NAA60: variants seen among roughly 807,000 people sequenced by gnomAD.
NAA60 encodes N-alpha-acetyltransferase 60.
NAA60 carries 8 observed loss-of-function variants against 26.1 expected under a neutral mutation model. The observed-to-expected ratio is 0.31, with a 90% CI of 0.18 to 0.55. The LOEUF is 0.55. Among genes scored for constraint, NAA60 ranks in the 20% least tolerant of loss-of-function variants. The pLI, the probability that NAA60 is intolerant of heterozygous loss-of-function variation, is 0.93. For synonymous variants in NAA60, 131 were observed against 122.5 expected (o/e 1.07, Z -0.46); for missense variants, 290 against 311.3 (o/e 0.93, Z 0.51).
In NAA60 at chr16:3,485,748, C is replaced by G. The variant is rs1362962124; in HGVS notation, c.*488C>G. 2.2e-6 allele frequency: 1 copy of G among 448,320 alleles called. No homozygotes were observed. Among genetic ancestry groups the G allele is most frequent in the East Asian group, 7.0e-5 (1 of 14,252 alleles). The allele number at this position is 448,320 out of a possible 1,614,324, so 27.8% of individuals were successfully genotyped here. A position where few individuals can be genotyped will look rare whatever the true frequency, so the allele number is the denominator to read the frequency against. ...CAAGGGGGCGCAATAAAGGGAATGG[C>G]CCGTCCCCTTCCAGAACCAGCCCAA... On this transcript the variant is annotated 3_prime_UTR_variant, in exon 8 of 8. Transcript: ENST00000407558.
Position 3,474,131 on chromosome 16 carries a change from G to A in NAA60, c.-6-2091G>A, listed in dbSNP as rs527432921. On this transcript the variant is annotated intron_variant, in intron 2 of 7. Transcript: ENST00000407558. ...GGGGTGGGGGGTGTGAGTTTAGAGAGGCTTCTCCCTATAAAGCTGAGCATG... is the reference window on the plus strand; with the variant it reads ...GGGGTGGGGGGTGTGAGTTTAGAGAAGCTTCTCCCTATAAAGCTGAGCATG... 3.3e-5 allele frequency among the ~76,000 whole-genome samples: 5 copies of A among 152,320 alleles called. No homozygotes were observed. In the South Asian group the frequency reaches 8.3e-4, roughly 25 times the overall value.
At chr16:3,474,238 A>G (rs569234088) in intron 2 of NAA60, among the ~76,000 whole-genome samples, 1 of 152,320 alleles carries the variant, frequency 6.6e-6, no homozygotes, top group African/African-American at 2.4e-5. Flanking sequence ...TCAGGACGTC[A>G]GTGCTGGCCC....
rs1055019059 is a variant in NAA60, at chr16:3,463,445, C to T, written c.-6-12777C>T. Among the ~76,000 whole-genome samples, 10 of 148,270 alleles carry T rather than the reference C, an allele frequency of 6.7e-5. No individual in the cohort carries two copies. In the East Asian group the frequency reaches 1.8e-3, roughly 27 times the overall value. ...TAATGTCTGTACTGTCAGCTACTTGCGGAGGCTGAGGCAGGAGGATTACTT... is the reference window on the plus strand; with the variant it reads ...TAATGTCTGTACTGTCAGCTACTTGTGGAGGCTGAGGCAGGAGGATTACTT... On this transcript the variant is annotated intron_variant, in intron 2 of 7. Transcript: ENST00000407558.
At chr16:3,484,564 T>G in intron 6 of NAA60, 135 bp from the exon 7 acceptor site, 2 of 1,176,212 alleles carry the variant, frequency 1.7e-6, no homozygotes, top group Non-Finnish European at 2.4e-6. Flanking sequence ...CTGCAGAGGC[T>G]TAGCGGGCTC....
chr16:3,455,028 A>C (rs544238632), intron 2 of NAA60, among the ~76,000 whole-genome samples: 1 of 152,296 alleles, frequency 6.6e-6, no homozygotes, highest in East Asian at 1.9e-4. Context: ...GTGGAGAAAT[A>C]GTTATTTTCT....
At chr16:3,448,321 T>A in intron 1 of NAA60, 150 bp from the exon 2 acceptor site, 1 of 480,406 alleles carries the variant, frequency 2.1e-6, no homozygotes, top group South Asian at 3.0e-5. Flanking sequence ...TTTAGAGAAC[T>A]ACATGTTTAG....
At chr16:3,453,666 C>G (rs1002340943) in intron 2 of NAA60, among the ~76,000 whole-genome samples, 1 of 151,910 alleles carries the variant, frequency 6.6e-6, no homozygotes, top group Non-Finnish European at 1.5e-5. Flanking sequence ...CCTCAGCCTC[C>G]GAAAGTGCTG....
At chr16:3,443,650 G>C, upstream of NAA60, 2 of 1,253,622 alleles carry the variant, frequency 1.6e-6, no homozygotes, top group Non-Finnish European at 2.1e-6. Flanking sequence ...GCGAGAGGTA[G>C]TTTTCCTCCT....
rs988287636 is a variant in NAA60 at position 3,452,982 on chromosome 16, A to G, written c.-7+4442A>G. ...AAAAATTAAAAAAGACTAATCCCCTATGTTGGTGAGGCTGCGGGCCGTTTG... is the reference window on the plus strand; with the variant it reads ...AAAAATTAAAAAAGACTAATCCCCTGTGTTGGTGAGGCTGCGGGCCGTTTG... On this transcript the variant is annotated intron_variant, in intron 2 of 7. Transcript: ENST00000407558. Among the ~76,000 whole-genome samples, 17 of 151,886 alleles carry G rather than the reference A, an allele frequency of 1.1e-4. 1 individual carries two copies. The highest frequency in any genetic ancestry group is 4.1e-4 in the African/African-American group (17 of 41,350).
rs2037140090 is a variant in NAA60 at position 3,486,312 on chromosome 16, G to A, written c.*1052G>A. The A allele has an allele frequency of 2.0e-5, 3 of 153,516 alleles. No individual in the cohort carries two copies. Among genetic ancestry groups the A allele is most frequent in the Admixed American group, 6.5e-5 (1 of 15,446 alleles). The allele number at this position is 153,516 out of a possible 1,614,324, so 9.5% of individuals were successfully genotyped here. A position where few individuals can be genotyped will look rare whatever the true frequency, so the allele number is the denominator to read the frequency against. On this transcript the variant is annotated 3_prime_UTR_variant, in exon 8 of 8. Transcript: ENST00000407558. The stretch of plus-strand genomic sequence containing the variant: ...TGCCTGCCCTGCCCTCCGATGCAGG[G>A]GTGGGGTGGGGGGCGGAGTCCCGCC...
intron 2 of NAA60, among the ~76,000 whole-genome samples, chr16:3,470,893 C>A (rs1690449): frequency 1.3e-5 from 2 of 152,210 alleles, no homozygotes; most frequent in Admixed American, 6.5e-5. Context: ...TTCTCTGCCC[C>A]TCAGTTGGGC....
intron 2 of NAA60, chr16:3,458,235 G>A: frequency 2.1e-6 from 2 of 971,652 alleles, no homozygotes; most frequent in South Asian, 4.7e-5. Context: ...GGGCGCCGAG[G>A]GGGCGGGGTA....
intron 1 of NAA60, chr16:3,447,569 T>C: frequency 8.1e-6 from 8 of 985,442 alleles, no homozygotes; most frequent in Non-Finnish European, 9.6e-6. Context: ...GGGAAGTTGA[T>C]ACTGATCGGA....
chr16:3,450,963 A>T (rs3848359), intron 2 of NAA60, among the ~76,000 whole-genome samples: 6,414 of 152,298 alleles, frequency 0.042, 319 homozygotes, highest in South Asian at 0.13. Context: ...GTAAGTTAGA[A>T]GTCAATTAGA....
At chr16:3,473,994 A>G (rs891612513) in intron 2 of NAA60, among the ~76,000 whole-genome samples, 5 of 152,126 alleles carry the variant, frequency 3.3e-5, no homozygotes, top group Admixed American at 6.5e-5. Flanking sequence ...TTGGCCTTCC[A>G]AAGTGCTCAT....
intron 2 of NAA60, among the ~76,000 whole-genome samples, chr16:3,465,387 G>A (rs2035686792): frequency 6.6e-6 from 1 of 152,022 alleles, no homozygotes; most frequent in African/African-American, 2.4e-5. Flanking sequence ...TCCTTCTCTT[G>A]GGTCATGTTC....
chr16:3,463,663 G>C (rs1007003051), intron 2 of NAA60, among the ~76,000 whole-genome samples: 1 of 151,572 alleles, frequency 6.6e-6, no homozygotes, highest in African/African-American at 2.4e-5. Context: ...CCAGGAGTTG[G>C]AGACCAGCCT....
In NAA60 at chr16:3,483,407, G is replaced by A. The variant is rs777212269; in HGVS notation, c.382G>A (p.Ala128Thr). 92 of 1,613,244 alleles carry A rather than the reference G, an allele frequency of 5.7e-5. No homozygotes were observed. Among genetic ancestry groups the A allele is most frequent in the Admixed American group, 1.7e-4 (10 of 59,894 alleles). The change falls in exon 6 of 8, where the codon GCC becomes ACC. Residue 128 changes from alanine (A) to threonine (T), a missense_variant. By Grantham distance (58) the Ala-to-Thr change is moderately conservative. Coordinates refer to ENST00000407558, the MANE Select transcript of NAA60 (RefSeq NM_001083601.3). Reference sequence around the variant, plus strand: ...TTTAAAGGATCACATATCAACCACCGCCCAGGACCACTGCAAAGCCATTTA... The same window carrying A: ...TTTAAAGGATCACATATCAACCACCACCCAGGACCACTGCAAAGCCATTTA... ...ESLKDHISTT[A>T]QDHCKAIYLH... is the part of the protein sequence containing the mutation.
At chr16:3,464,552 G>C (rs1365863085) in intron 2 of NAA60, among the ~76,000 whole-genome samples, 3 of 152,212 alleles carry the variant, frequency 2.0e-5, no homozygotes, top group Non-Finnish European at 4.4e-5. Context: ...AGGCGGTACA[G>C]AGGGTTTCCT....
Sources: gnomAD v4.1 joint callset for allele counts (sites outside exome capture counted in the v4.1 genomes callset) on GRCh38, gnomAD v4.1.1 for gene constraint, MANE v1.5 for transcripts, NCBI Gene and HGNC (gene_info 2026-07-23, HGNC 2026-07-21) for gene names.